The following CCDC88A variants were observed in gnomAD, a reference collection of about 807,000 sequenced individuals.
CCDC88A encodes coiled-coil and HOOK domain protein 88A, also known as girdin.
Under a neutral mutation model 234.3 loss-of-function variants are expected in CCDC88A, and 54 were observed. The observed-to-expected ratio is 0.23, with a 90% CI of 0.19 to 0.29. The LOEUF (loss-of-function observed/expected upper bound fraction) is 0.29. CCDC88A is among the 10% of genes least tolerant of loss of function. The pLI is 1.00. For synonymous variants in CCDC88A, 753 were observed against 737.8 expected, an observed-to-expected ratio of 1.02 and a Z score of -0.33; for missense variants, 1,832 against 2,123.4, an observed-to-expected ratio of 0.86 and a Z score of 2.70.
At chr2:55,378,800 C>A (rs1285831058) in intron 3 of CCDC88A, among the ~76,000 whole-genome samples, 2 of 148,200 alleles carry the variant, frequency 1.3e-5, no homozygotes, top group East Asian at 4.0e-4. Flanking sequence ...GGCTGGAGTG[C>A]AGTGGCACGT....
At position 55,294,937 on chromosome 2, in the gene CCDC88A, T is replaced by C. The variant is rs998733937; in HGVS notation, c.5551+660A>G. On this transcript the variant is annotated intron_variant, in intron 31 of 32. Coordinates refer to ENST00000436346, the MANE Select transcript of CCDC88A (RefSeq NM_001365480.1). ...TGCCATCATGTACAGCTGAACACTG[T>C]GCAACAATTTTAAATAAAAAATAAA... 3 of 1,190,588 alleles carry C rather than the reference T, an allele frequency of 2.5e-6. No individual in the cohort carries two copies. The Admixed American group carries it at 1.2e-4, about 46-fold the overall frequency. The allele number at this position is 1,190,588 out of a possible 1,614,324, so 73.8% of individuals were successfully genotyped here.
Position 55,418,490 on chromosome 2 carries a change from G to A in CCDC88A, c.164+326C>T, listed in dbSNP as rs1681832837. The A allele has an allele frequency of 1.4e-5, 4 of 288,048 alleles. No individual in the cohort carries two copies. The South Asian group carries it at 2.6e-4, about 19-fold the overall frequency. 17.8% of individuals were successfully genotyped at this position (288,048 alleles called of 1,614,324 possible). On this transcript the variant is annotated intron_variant, in intron 2 of 32. Transcript: ENST00000436346. ...AGTAAAGTCTTTTTTCCTCTCTTAG[G>A]AAACCAGATTCTCATTTTCTCTCTT...
intron 31 of CCDC88A, among the ~76,000 whole-genome samples, chr2:55,293,266 T>G (rs1679644946): frequency 6.6e-6 from 1 of 152,194 alleles, no homozygotes; most frequent in African/African-American, 2.4e-5. Context: ...ATTATAACAT[T>G]TGTGTCATAT....
chr2:55,408,340 T>C (rs1679941871), intron 2 of CCDC88A, among the ~76,000 whole-genome samples: 1 of 152,082 alleles, frequency 6.6e-6, no homozygotes, highest in Non-Finnish European at 1.5e-5. Flanking sequence ...CAACTCCATC[T>C]CGAATAGGGG....
intron 3 of CCDC88A, among the ~76,000 whole-genome samples, chr2:55,383,406 G>A (rs888293648): frequency 6.6e-6 from 1 of 151,950 alleles, no homozygotes; most frequent in African/African-American, 2.4e-5. Flanking sequence ...ATCACCTGAG[G>A]TCAGGAGTTT....
At position 55,309,165 on chromosome 2, in the gene CCDC88A, C is replaced by A; in HGVS notation, c.4169G>T (p.Arg1390Ile). The change falls in exon 24 of 33, where the codon AGA becomes ATA. Residue 1390 changes from arginine (R) to isoleucine (I), a missense_variant. Coordinates refer to ENST00000436346, the MANE Select transcript of CCDC88A (RefSeq NM_001365480.1). The surrounding 1 kb of genome is among the most constrained non-coding windows in gnomAD (Gnocchi z 5.1). ...QYKFYDPSPP[R>I]RRGNWITLKM... ...CATAAAATTTGGTTAATGGTACCTT[C>A]TAGGAGGAGATGGGTCATAAAATTT... is the stretch of plus-strand genomic sequence containing the variant. 6.4e-7 allele frequency: 1 copy of A among 1,552,558 alleles called. No homozygotes were observed. The highest frequency in any genetic ancestry group is 8.8e-7 in the Non-Finnish European group (1 of 1,131,134).
chr2:55,389,543 A>G (rs1558800201), intron 2 of CCDC88A, among the ~76,000 whole-genome samples: 1 of 152,166 alleles, frequency 6.6e-6, no homozygotes, highest in African/African-American at 2.4e-5. Context: ...GAAACGCCTC[A>G]TTCTTTAATC....
intron 3 of CCDC88A, among the ~76,000 whole-genome samples, chr2:55,380,366 G>T (rs1226666289): frequency 6.6e-6 from 1 of 151,992 alleles, no homozygotes; most frequent in Non-Finnish European, 1.5e-5. Flanking sequence ...ATGTTTTCAG[G>T]GCCATTAAAG....
chr2:55,301,707 T>G lies in CCDC88A; in HGVS notation c.4672+165A>C. On this transcript the variant is annotated intron_variant, in intron 27 of 32. Coordinates refer to ENST00000436346, the MANE Select transcript of CCDC88A (RefSeq NM_001365480.1). Reference sequence around the variant, plus strand: ...AAAGATTTTAGTTATTTGTATAACGTTTTATATTTTTAAAATGATTTGAAA... The same window carrying G: ...AAAGATTTTAGTTATTTGTATAACGGTTTATATTTTTAAAATGATTTGAAA... 4.7e-6 allele frequency: 3 copies of G among 637,618 alleles called. No homozygotes were observed. The South Asian group carries it at 6.1e-5, about 13-fold the overall frequency. 39.5% of individuals were successfully genotyped at this position (637,618 alleles called of 1,614,324 possible).
At chr2:55,369,098 A>G (rs12470528) in intron 5 of CCDC88A, among the ~76,000 whole-genome samples, 93,652 of 151,420 alleles carry the variant, frequency 0.62, 29,703 homozygotes, top group Admixed American at 0.68. Context: ...GCAGTGGCAC[A>G]ATCTTGGCTC....
intron 9 of CCDC88A, chr2:55,349,264 A>G (rs1669569284): frequency 5.0e-6 from 2 of 402,184 alleles, no homozygotes; most frequent in African/African-American, 2.1e-5. Context: ...CATCAAAAAG[A>G]AAAATGTGGA....
chr2:55,413,038 T>C (rs555858971), intron 2 of CCDC88A, among the ~76,000 whole-genome samples: 3 of 151,920 alleles, frequency 2.0e-5, no homozygotes, highest in Non-Finnish European at 4.4e-5. Flanking sequence ...ACCCGGTCTC[T>C]ATAAAAAAAA....
chr2:55,411,268 T>C (rs1558847740), intron 2 of CCDC88A, among the ~76,000 whole-genome samples: 1 of 152,208 alleles, frequency 6.6e-6, no homozygotes, highest in Non-Finnish European at 1.5e-5. Flanking sequence ...TTTCCATTTA[T>C]CCTGTGAGAA....
Position 55,372,505 on chromosome 2 carries a change from C to T in CCDC88A, c.349G>A (p.Gly117Ser). ...IIGKNPFSEQ[G>S]TEEVKKLLLL... ...AGCAGTTTTTTAACTTCTTCTGTGC[C>T]TTGTTCTAAAATAGAAACAATTATT... Residue 117 changes from glycine to serine, a missense_variant, in exon 5 of 33, where the codon GGC (glycine) becomes AGC (serine). Coordinates refer to ENST00000436346, the MANE Select transcript of CCDC88A (RefSeq NM_001365480.1). The T allele has an allele frequency of 6.7e-7, 1 of 1,483,986 alleles. No homozygotes were observed. The highest frequency in any genetic ancestry group is 9.4e-7 in the Non-Finnish European group (1 of 1,067,520). 91.9% of individuals were successfully genotyped at this position (1,483,986 alleles called of 1,614,324 possible).
chr2:55,417,035 G>C (rs1390412628), intron 2 of CCDC88A: 1 of 151,848 alleles, frequency 6.6e-6, no homozygotes, highest in Non-Finnish European at 1.5e-5. Flanking sequence ...GTTTGGAAAG[G>C]AGCTAGTCCT....
In CCDC88A at chr2:55,334,064, A is replaced by T. The variant is rs1685225600; in HGVS notation, c.2727+30T>A. 2 of 856,436 alleles carry T rather than the reference A, an allele frequency of 2.3e-6. No homozygotes were observed. Among genetic ancestry groups the T allele is most frequent in the Admixed American group, 3.3e-5 (1 of 30,040 alleles). 53.1% of individuals were successfully genotyped at this position (856,436 alleles called of 1,614,324 possible). Reference sequence around the variant, plus strand: ...CCTTGAGTTAAAAATATAAAAAAAAATTTGCCTTAATTTAGGTAAACATAT... The same window carrying T: ...CCTTGAGTTAAAAATATAAAAAAAATTTTGCCTTAATTTAGGTAAACATAT... On this transcript the variant is annotated intron_variant, in intron 15 of 32. Transcript: ENST00000436346. The surrounding 1 kb of genome is among the most constrained non-coding windows in gnomAD (Gnocchi z 6.1).
rs1053315237 is a variant in CCDC88A at position 55,419,221 on chromosome 2, T to C, written c.-142A>G. ...ATCCCATCGTGGAGGAGGGGGGCAC[T>C]CTCCCTCCTCAAAAAACACCCCAGA... On this transcript the variant is annotated 5_prime_UTR_variant, in exon 1 of 33. Transcript: ENST00000436346. 5 of 614,946 alleles carry C rather than the reference T, an allele frequency of 8.1e-6. No homozygotes were observed. The highest frequency in any genetic ancestry group is 8.7e-6 in the Non-Finnish European group (3 of 345,758). The allele number at this position is 614,946 out of a possible 1,614,324, so 38.1% of individuals were successfully genotyped here. A position where few individuals can be genotyped will look rare whatever the true frequency, so the allele number is the denominator to read the frequency against.
rs1459145503 is a variant in CCDC88A at position 55,309,420 on chromosome 2, C to T, written c.4080-166G>A. Among the ~76,000 whole-genome samples, 9 of 152,046 alleles carry T rather than the reference C, an allele frequency of 5.9e-5. No individual in the cohort carries two copies. Among genetic ancestry groups the T allele is most frequent in the Admixed American group, 5.9e-4 (9 of 15,248 alleles). On this transcript the variant is annotated intron_variant, in intron 23 of 32. Transcript: ENST00000436346. This position sits in a 1 kb window ranked among gnomAD's most constrained non-coding sequence, Gnocchi z 5.1. ...CAGGTAGTTAACAATGGGAATTTTT[C>T]CATGTTTCTCCTTTTTTAAAAATTT... is the stretch of plus-strand genomic sequence containing the variant.
Position 55,332,639 on chromosome 2 carries a change from A to C in CCDC88A, c.2782T>G (p.Leu928Val). ...TQQMNNDLEK[L>V]THELEKIGLN... Reference sequence around the variant, plus strand: ...CCTATCTTCTCAAGCTCATGAGTTAATTTTTCGAGATCATTGTTCATCTGT... The same window carrying C: ...CCTATCTTCTCAAGCTCATGAGTTACTTTTTCGAGATCATTGTTCATCTGT... Residue 928 changes from leucine to valine, a missense_variant, in exon 16 of 33, where the codon TTA becomes GTA. Coordinates refer to ENST00000436346, the MANE Select transcript of CCDC88A (RefSeq NM_001365480.1). This position sits in a 1 kb window ranked among gnomAD's most constrained non-coding sequence, Gnocchi z 4.5. 1 of 1,613,564 alleles carries C rather than the reference A, an allele frequency of 6.2e-7. No individual in the cohort carries two copies. Among genetic ancestry groups the C allele is most frequent in the Non-Finnish European group, 8.5e-7 (1 of 1,179,756 alleles).
Sources: allele counts gnomAD v4.1 joint callset (sites outside exome capture counted in the v4.1 genomes callset), GRCh38; gene constraint gnomAD v4.1.1; non-coding constraint Gnocchi (gnomAD v3.1); transcripts MANE v1.5; gene names NCBI Gene and HGNC (gene_info 2026-07-23, HGNC 2026-07-21).